The following EYS variants were observed in gnomAD, a reference collection of about 807,000 sequenced individuals.
EYS encodes the protein EGF-like photoreceptor maintenance factor.
A neutral mutation model predicts 282.1 loss-of-function variants in EYS; 250 were observed. The observed-to-expected ratio is 0.89, with a 90% CI of 0.80 to 0.98. The LOEUF (loss-of-function observed/expected upper bound fraction) is 0.98, where lower values mean the gene tolerates loss of function less well. Ranked by LOEUF, EYS falls within the 50% of genes least tolerant of loss-of-function variation. The pLI, the probability that EYS is intolerant of heterozygous loss-of-function variation, is 0.00. For synonymous variants in EYS, 1,355 were observed against 1,282.9 expected, an observed-to-expected ratio of 1.06 and a Z score of -1.20; for missense variants, 4,016 against 3,709.0, an observed-to-expected ratio of 1.08 and a Z score of -2.15.
At chr6:64,149,461 A>T (rs1187681916) in intron 31 of EYS, among the ~76,000 whole-genome samples, 1 of 152,192 alleles carries the variant, frequency 6.6e-6, no homozygotes, top group African/African-American at 2.4e-5. Flanking sequence ...GGAAAGTTAA[A>T]TATTCTCTTA....
chr6:64,539,639 T>A (rs1423008945), intron 26 of EYS, among the ~76,000 whole-genome samples: 2 of 152,150 alleles, frequency 1.3e-5, no homozygotes, highest in Non-Finnish European at 2.9e-5. Context: ...CCCAAGGTGA[T>A]GCTGATGCCA....
chr6:64,506,915 A>AAAAAAAAAAAC (rs1180556463), intron 26 of EYS, among the ~76,000 whole-genome samples: 11 of 140,472 alleles, frequency 7.8e-5, no homozygotes, highest in Admixed American at 6.1e-4. Context: ...TCTTAAAAAA[A>AAAAAAAAAAAC]AAAAAAAAAA....
At chr6:63,786,426 A>G (rs1770362426) in intron 39 of EYS, among the ~76,000 whole-genome samples, 1 of 151,910 alleles carries the variant, frequency 6.6e-6, no homozygotes, top group Admixed American at 6.6e-5. Flanking sequence ...CAGCAAATTA[A>G]CCCAGGAACA....
chr6:65,270,688 T>G (rs1767874445), intron 12 of EYS, among the ~76,000 whole-genome samples: 1 of 152,062 alleles, frequency 6.6e-6, no homozygotes, highest in African/African-American at 2.4e-5. Context: ...GCTGAGAAGT[T>G]TCTTCAATTA....
At chr6:64,847,948 C>T (rs1765766701) in intron 19 of EYS, among the ~76,000 whole-genome samples, 2 of 152,044 alleles carry the variant, frequency 1.3e-5, no homozygotes, top group South Asian at 4.1e-4. Context: ...CCAATTGTGA[C>T]AATGTATTTT....
intron 35 of EYS, among the ~76,000 whole-genome samples, chr6:63,981,940 A>G (rs1433853203): frequency 6.6e-6 from 1 of 151,884 alleles, no homozygotes; most frequent in African/African-American, 2.4e-5. Flanking sequence ...AAGAGAATCA[A>G]TATATAAAGT....
chr6:64,061,609 A>G (rs953788044), intron 33 of EYS, among the ~76,000 whole-genome samples: 1 of 151,496 alleles, frequency 6.6e-6, no homozygotes, highest in African/African-American at 2.5e-5. Flanking sequence ...GTACTGGCTA[A>G]TAACAGAATA....
chr6:64,366,368 A>G (rs1398674023), intron 29 of EYS, among the ~76,000 whole-genome samples: 1 of 152,042 alleles, frequency 6.6e-6, no homozygotes, highest in African/African-American at 2.4e-5. Context: ...ATGTCAAGCT[A>G]GCCATATGGA....
chr6:64,897,119 T>A (rs933473822), intron 18 of EYS, among the ~76,000 whole-genome samples: 42 of 152,098 alleles, frequency 2.8e-4, no homozygotes, highest in African/African-American at 9.9e-4. Flanking sequence ...AGGGACAGAC[T>A]GCCTCAAGTG....
intron 14 of EYS, among the ~76,000 whole-genome samples, chr6:64,964,642 G>A (rs1035504582): frequency 1.2e-4 from 18 of 152,150 alleles, no homozygotes; most frequent in South Asian, 2.1e-4. Flanking sequence ...GCTCTTTAGC[G>A]GATGCAAAAT....
chr6:65,497,217 A>G (rs1766287469), intron 2 of EYS, among the ~76,000 whole-genome samples: 1 of 152,058 alleles, frequency 6.6e-6, no homozygotes, highest in South Asian at 2.1e-4. Flanking sequence ...GGATTCATCA[A>G]TAATCAGTTG....
intron 15 of EYS, among the ~76,000 whole-genome samples, chr6:64,921,398 G>A (rs971450118): frequency 6.6e-6 from 1 of 151,856 alleles, no homozygotes; most frequent in African/African-American, 2.4e-5. Flanking sequence ...TAAAACAGAT[G>A]GAACTATAGA....
intron 26 of EYS, among the ~76,000 whole-genome samples, chr6:64,516,185 G>A (rs1327904868): frequency 6.6e-6 from 1 of 151,548 alleles, no homozygotes; most frequent in African/African-American, 2.4e-5. Context: ...GTGAGAGGAG[G>A]GAGAGAACCA....
chr6:64,049,971 G>A (rs146465971), intron 33 of EYS, among the ~76,000 whole-genome samples: 1 of 152,226 alleles, frequency 6.6e-6, no homozygotes, highest in East Asian at 1.9e-4. Context: ...TTGGGCCCAG[G>A]CAGACGATGA....
chr6:64,912,440 TTAAG>T (rs1279272055), intron 16 of EYS, 40 bp downstream of exon 16: 3 of 1,518,254 alleles, frequency 2.0e-6, no homozygotes, highest in Non-Finnish European at 2.7e-6. Flanking sequence ...CACAAACTAA[TTAAG>T]TAATTATTTA....
At chr6:64,455,045 A>C (rs1449968732) in intron 26 of EYS, among the ~76,000 whole-genome samples, 1 of 152,114 alleles carries the variant, frequency 6.6e-6, no homozygotes, top group African/African-American at 2.4e-5. Context: ...TTACATATTG[A>C]GCAACCTTGT....
At chr6:65,376,076 A>T (rs541570583) in intron 8 of EYS, among the ~76,000 whole-genome samples, 2 of 152,300 alleles carry the variant, frequency 1.3e-5, no homozygotes, top group East Asian at 3.9e-4. Context: ...AATAATTCTC[A>T]GATTCTCCAA....
chr6:63,859,374 T>C (rs1010529988), intron 36 of EYS, among the ~76,000 whole-genome samples: 2 of 152,042 alleles, frequency 1.3e-5, no homozygotes, highest in Admixed American at 1.3e-4. Context: ...TAGTCAGTAC[T>C]AAAATGGAAA....
At chr6:63,938,980 C>T (rs899832707) in intron 35 of EYS, among the ~76,000 whole-genome samples, 5 of 152,124 alleles carry the variant, frequency 3.3e-5, no homozygotes, top group Admixed American at 2.0e-4. Flanking sequence ...GAAACACATT[C>T]TTAAAAGTCA....
Sources: gnomAD v4.1 joint callset for allele counts (sites outside exome capture counted in the v4.1 genomes callset) on GRCh38, gnomAD v4.1.1 for gene constraint, MANE v1.5 for transcripts, NCBI Gene and HGNC (gene_info 2026-07-23, HGNC 2026-07-21) for gene names.